CCDC7: variants seen among roughly 807,000 people sequenced by gnomAD.
The protein encoded by CCDC7 is coiled-coil domain containing 7, also known as coiled-coil domain-containing protein 7.
CCDC7 carries 183 observed loss-of-function variants against 196.9 expected under a neutral mutation model. That is an observed-to-expected ratio of 0.93 (90% confidence interval 0.82 to 1.05). The LOEUF is 1.05. Among genes scored for constraint, CCDC7 ranks in the 50% least tolerant of loss-of-function variants. The pLI, the probability that CCDC7 is intolerant of heterozygous loss-of-function variation, is 0.00. For synonymous variants in CCDC7, 525 were observed against 484.6 expected, an observed-to-expected ratio of 1.08 and a Z score of -1.10; for missense variants, 1,540 against 1,482.2, an observed-to-expected ratio of 1.04 and a Z score of -0.64.
At position 32,487,533 on chromosome 10, in the gene CCDC7, T is replaced by C. The variant is rs1335884137; in HGVS notation, c.797-4389T>C. On this transcript the variant is annotated intron_variant, in intron 8 of 41. Coordinates refer to ENST00000639629, the Ensembl canonical transcript of CCDC7. ...CTTTGTTCCATTGCTGGTGAGGAGC[T>C]GCGTTCCTTTGGAGGAGGAGAGGCA... is the stretch of plus-strand genomic sequence containing the variant. Among the ~76,000 whole-genome samples the C allele has an allele frequency of 2.0e-5, 3 of 152,254 alleles. No homozygotes were observed. In the East Asian group the frequency reaches 5.8e-4, roughly 29 times the overall value.
intron 8 of CCDC7, among the ~76,000 whole-genome samples, chr10:32,483,256 T>C (rs1187336509): frequency 1.3e-5 from 2 of 152,254 alleles, no homozygotes; most frequent in Non-Finnish European, 2.9e-5. Flanking sequence ...CCAGTGATGA[T>C]GAGCATTTTT....
intron 26 of CCDC7, 21 bp from the exon 28 acceptor site, chr10:32,728,866 T>C: frequency 7.4e-7 from 1 of 1,349,694 alleles, no homozygotes; most frequent in Admixed American, 1.8e-5. Flanking sequence ...TTTGATGGAC[T>C]AAATGCATCT....
chr10:32,822,640 A>G (rs973299517), intron 31 of CCDC7, among the ~76,000 whole-genome samples: 1 of 152,160 alleles, frequency 6.6e-6, no homozygotes, highest in Non-Finnish European at 1.5e-5. Context: ...AGGTATATAT[A>G]AAGGAGTAAT....
intron 33 of CCDC7, among the ~76,000 whole-genome samples, 165 bp from the exon 35 acceptor site, chr10:32,845,078 G>A (rs961248808): frequency 8.6e-5 from 13 of 151,284 alleles, no homozygotes; most frequent in Non-Finnish European, 1.3e-4. Context: ...TCATATTCCC[G>A]GAGTTAAATT....
chr10:32,543,633 C>T (rs2051897006), intron 12 of CCDC7, among the ~76,000 whole-genome samples: 1 of 151,956 alleles, frequency 6.6e-6, no homozygotes, highest in East Asian at 1.9e-4. Context: ...AATAGGTGAA[C>T]AGAATTAAAT....
chr10:32,648,416 G>A (rs117126116), intron 20 of CCDC7, among the ~76,000 whole-genome samples: 2 of 152,032 alleles, frequency 1.3e-5, no homozygotes, highest in African/African-American at 4.8e-5. Flanking sequence ...AATTACTTTG[G>A]GCAGTATGGC....
rs1300320428 is a variant in CCDC7 at position 32,471,063 on chromosome 10, G to A, written c.511-1G>A. Reference sequence around the variant, plus strand: ...ATAACTGGTTAATTTTATTATTTTAGATAAGTAAAGATCAAACTCTTTTAC... The same window carrying A: ...ATAACTGGTTAATTTTATTATTTTAAATAAGTAAAGATCAAACTCTTTTAC... On this transcript the variant is annotated splice_acceptor_variant, in intron 5 of 41. Coordinates refer to ENST00000639629, the Ensembl canonical transcript of CCDC7. LOFTEE classifies it high-confidence loss of function. 6.3e-7 allele frequency: 1 copy of A among 1,580,718 alleles called. No homozygotes were observed. The highest frequency in any genetic ancestry group is 1.9e-5 in the Admixed American group (1 of 51,448).
At chr10:32,790,241 C>T (rs1306640049) in intron 29 of CCDC7, among the ~76,000 whole-genome samples, 1 of 152,238 alleles carries the variant, frequency 6.6e-6, no homozygotes, top group East Asian at 1.9e-4. Context: ...CTATTGGGGG[C>T]TGTCTGTGGT....
At chr10:32,549,501 A>G (rs765515405) in intron 13 of CCDC7, among the ~76,000 whole-genome samples, 24 of 152,120 alleles carry the variant, frequency 1.6e-4, no homozygotes, top group Non-Finnish European at 3.2e-4. Flanking sequence ...GCCAATGTCT[A>G]GAAGGGGTTT....
At chr10:32,660,247 G>T (rs2070999380) in intron 20 of CCDC7, among the ~76,000 whole-genome samples, 2 of 144,120 alleles carry the variant, frequency 1.4e-5, no homozygotes, top group East Asian at 2.0e-4. Flanking sequence ...CTAGCATTAG[G>T]TATATCTCCC....
chr10:32,701,942 C>T (rs541456786), intron 24 of CCDC7, among the ~76,000 whole-genome samples: 1 of 152,032 alleles, frequency 6.6e-6, no homozygotes, highest in Non-Finnish European at 1.5e-5. Context: ...AGCGGTCTGT[C>T]AATTTTGTTG....
At chr10:32,767,790 C>T (rs1373922116) in intron 28 of CCDC7, among the ~76,000 whole-genome samples, 5 of 152,088 alleles carry the variant, frequency 3.3e-5, no homozygotes, top group African/African-American at 1.2e-4. Context: ...GTAACCAGTT[C>T]TGGCAAAATG....
intron 18 of CCDC7, among the ~76,000 whole-genome samples, chr10:32,602,377 G>A (rs2061143241): frequency 1.3e-5 from 2 of 152,302 alleles, no homozygotes; most frequent in African/African-American, 4.8e-5. Flanking sequence ...CATTCTTGAA[G>A]TCAGCGAGAC....
chr10:32,718,307 G>C (rs2081922960), intron 25 of CCDC7, among the ~76,000 whole-genome samples: 1 of 152,102 alleles, frequency 6.6e-6, no homozygotes, highest in Non-Finnish European at 1.5e-5. Flanking sequence ...AATAGATGCA[G>C]AAAAGGCCTT....
At chr10:32,709,845 T>C (rs2080511965) in intron 24 of CCDC7, among the ~76,000 whole-genome samples, 1 of 152,106 alleles carries the variant, frequency 6.6e-6, no homozygotes, top group Admixed American at 6.5e-5. Context: ...CCTAGAAATC[T>C]GAGACTTGTT....
At chr10:32,831,800 G>A (rs1407747087) in intron 32 of CCDC7, among the ~76,000 whole-genome samples, 3 of 152,042 alleles carry the variant, frequency 2.0e-5, no homozygotes, top group East Asian at 3.9e-4. Context: ...ACGTCCTGAG[G>A]GACCTGTCTG....
intron 21 of CCDC7, among the ~76,000 whole-genome samples, chr10:32,667,650 C>A (rs972164728): frequency 2.0e-5 from 3 of 152,010 alleles, no homozygotes; most frequent in African/African-American, 7.3e-5. Flanking sequence ...TCTTGTTTTT[C>A]TCAGGTTTGT....
intron 3 of CCDC7, among the ~76,000 whole-genome samples, chr10:32,459,500 G>T (rs994350766): frequency 1.3e-5 from 2 of 152,126 alleles, no homozygotes; most frequent in African/African-American, 4.8e-5. Context: ...GGTGGGGCAA[G>T]ACCGAGTTAA....
At chr10:32,708,384 GCAATACCTTT>G (rs1455026524) in intron 24 of CCDC7, among the ~76,000 whole-genome samples, 2 of 152,214 alleles carry the variant, frequency 1.3e-5, no homozygotes, top group Non-Finnish European at 2.9e-5. Context: ...GAAAACCTAG[GCAATACCTTT>G]CAGATCATAG....
Sources: gnomAD v4.1 joint callset for allele counts (sites outside exome capture counted in the v4.1 genomes callset) on GRCh38, gnomAD v4.1.1 for gene constraint, MANE v1.5 for transcripts, NCBI Gene and HGNC (gene_info 2026-07-23, HGNC 2026-07-21) for gene names.